Variants in MACROD2 observed in about 807,000 individuals in gnomAD.
The protein encoded by MACROD2 is ADP-ribose glycohydrolase MACROD2.
A neutral mutation model predicts 70.4 loss-of-function variants in MACROD2; 36 were observed. The ratio of observed to expected loss-of-function variants is 0.51; its 90% CI spans 0.39 to 0.68. MACROD2 has a LOEUF of 0.68. Among genes scored for constraint, MACROD2 ranks in the 30% least tolerant of loss-of-function variants. The pLI, the probability that MACROD2 is intolerant of heterozygous loss-of-function variation, is 0.00. For synonymous variants in MACROD2, 172 were observed against 178.8 expected, an observed-to-expected ratio of 0.96 and a Z score of 0.30; for missense variants, 496 against 538.4, an observed-to-expected ratio of 0.92 and a Z score of 0.78.
chr20:14,725,736 C>T (rs1196646625), intron 5 of MACROD2, among the ~76,000 whole-genome samples: 2 of 152,250 alleles, frequency 1.3e-5, no homozygotes, highest in South Asian at 2.1e-4. Context: ...TAGAATATGC[C>T]TCAGAGTAGC....
At chr20:15,404,653 A>G (rs1360506169) in intron 6 of MACROD2, among the ~76,000 whole-genome samples, 1 of 152,156 alleles carries the variant, frequency 6.6e-6, no homozygotes, top group Non-Finnish European at 1.5e-5. Context: ...CTCCCCTGTT[A>G]TCTACCCACT....
At chr20:15,338,455 T>A (rs1432636736) in intron 6 of MACROD2, among the ~76,000 whole-genome samples, 1 of 147,606 alleles carries the variant, frequency 6.8e-6, no homozygotes, top group Non-Finnish European at 1.5e-5. Flanking sequence ...ACAACCTGGA[T>A]TTTTTTTTTT....
At chr20:15,831,724 C>G (rs1385188381) in intron 8 of MACROD2, among the ~76,000 whole-genome samples, 1 of 152,092 alleles carries the variant, frequency 6.6e-6, no homozygotes, top group Non-Finnish European at 1.5e-5. Context: ...CTCCTGGCCT[C>G]AGGACCTTGT....
intron 2 of MACROD2, among the ~76,000 whole-genome samples, chr20:14,080,146 A>G (rs1477690911): frequency 2.0e-5 from 3 of 152,134 alleles, no homozygotes; most frequent in African/African-American, 7.2e-5. Flanking sequence ...AGAGGCTTTT[A>G]GAAGCCTAAT....
chr20:14,833,489 A>T (rs761948870), intron 5 of MACROD2, among the ~76,000 whole-genome samples: 1 of 152,138 alleles, frequency 6.6e-6, no homozygotes, highest in Admixed American at 6.5e-5. Context: ...ACAGTTTGGT[A>T]TATTCATATC....
chr20:14,785,900 G>A (rs2072364406), intron 5 of MACROD2, among the ~76,000 whole-genome samples: 1 of 151,882 alleles, frequency 6.6e-6, no homozygotes, highest in African/African-American at 2.4e-5. Flanking sequence ...AAAAAAGGGG[G>A]AGCAAGGAAA....
At chr20:14,073,047 A>G (rs1360436965) in intron 2 of MACROD2, among the ~76,000 whole-genome samples, 2 of 152,102 alleles carry the variant, frequency 1.3e-5, no homozygotes, top group Non-Finnish European at 2.9e-5. Context: ...TAAAGATGAG[A>G]TTACGCGGCT....
chr20:16,023,211 C>T (rs1416011941), intron 15 of MACROD2, among the ~76,000 whole-genome samples: 4 of 151,670 alleles, frequency 2.6e-5, no homozygotes, highest in Non-Finnish European at 5.9e-5. Context: ...CATGGTGGCT[C>T]ACGCCTGTAA....
rs2049798376 is a variant in MACROD2, at chr20:15,660,170, A to G, written c.645+160323A>G. On this transcript the variant is annotated intron_variant, in intron 8 of 17. Transcript: ENST00000684519. ...TAATGGGAGGAGAGAACAAAAAAGAAGTCAGGCAAGCTACCAAAGTGATGT... is the reference window on the plus strand; with the variant it reads ...TAATGGGAGGAGAGAACAAAAAAGAGGTCAGGCAAGCTACCAAAGTGATGT... 1.3e-5 allele frequency among the ~76,000 whole-genome samples: 2 copies of G among 152,198 alleles called. 1 individual carries two copies. The highest frequency in any genetic ancestry group is 1.3e-4 in the Admixed American group (2 of 15,270).
intron 3 of MACROD2, among the ~76,000 whole-genome samples, chr20:14,471,472 TTTAATGGGC>T (rs2084530026): frequency 6.6e-6 from 1 of 152,080 alleles, no homozygotes; most frequent in Non-Finnish European, 1.5e-5. Context: ...CTATGTGAGG[TTTAATGGGC>T]TTCAGTTACA....
chr20:14,196,265 C>T (rs1378850788), intron 3 of MACROD2, among the ~76,000 whole-genome samples: 1 of 152,132 alleles, frequency 6.6e-6, no homozygotes, highest in Non-Finnish European at 1.5e-5. Context: ...TTCTAATATC[C>T]TCTTCACTTC....
intron 8 of MACROD2, among the ~76,000 whole-genome samples, chr20:15,841,646 C>A (rs1263122639): frequency 6.6e-6 from 1 of 152,086 alleles, no homozygotes; most frequent in African/African-American, 2.4e-5. Flanking sequence ...CCCCATGATT[C>A]ACTCACCTCC....
intron 13 of MACROD2, among the ~76,000 whole-genome samples, chr20:15,968,796 CGTATATATATATATATATATATATATAT>C (rs2066182417): frequency 2.0e-5 from 1 of 50,214 alleles, no homozygotes; most frequent in Non-Finnish European, 4.3e-5. Context: ...ATATATTATG[CGTATATATATATATATATATATATATAT>C]ATATATATAT....
chr20:15,914,833 G>C (rs887766837), intron 10 of MACROD2, among the ~76,000 whole-genome samples: 4 of 152,168 alleles, frequency 2.6e-5, no homozygotes, highest in African/African-American at 9.7e-5. Flanking sequence ...AAGCTACAAA[G>C]TCATAAAGTT....
intron 8 of MACROD2, among the ~76,000 whole-genome samples, chr20:15,843,586 T>C (rs1297582037): frequency 6.6e-6 from 1 of 152,208 alleles, no homozygotes; most frequent in African/African-American, 2.4e-5. Flanking sequence ...ATCGATTAAC[T>C]TCAAGGATCC....
chr20:15,359,779 T>A (rs1410397762), intron 6 of MACROD2, among the ~76,000 whole-genome samples: 1 of 152,184 alleles, frequency 6.6e-6, no homozygotes, highest in Non-Finnish European at 1.5e-5. Context: ...GTTGCAAAAA[T>A]ATGAGAGGTT....
intron 8 of MACROD2, among the ~76,000 whole-genome samples, chr20:15,616,956 A>G (rs1478718247): frequency 6.6e-6 from 1 of 152,148 alleles, no homozygotes; most frequent in Non-Finnish European, 1.5e-5. Context: ...CAGGCTGGGC[A>G]CTTCAGATCT....
intron 4 of MACROD2, among the ~76,000 whole-genome samples, chr20:14,635,398 C>T (rs1427957401): frequency 6.6e-6 from 1 of 152,078 alleles, no homozygotes; most frequent in East Asian, 1.9e-4. Context: ...GCTCCATTTT[C>T]CAACTTTCCA....
chr20:14,789,696 G>A (rs571462349), intron 5 of MACROD2, among the ~76,000 whole-genome samples: 7 of 151,590 alleles, frequency 4.6e-5, no homozygotes, highest in South Asian at 2.1e-4. Flanking sequence ...GGTTGTTCTC[G>A]AACTCCTGAC....
Sources: gnomAD v4.1 joint callset for allele counts (sites outside exome capture counted in the v4.1 genomes callset) on GRCh38, gnomAD v4.1.1 for gene constraint, MANE v1.5 for transcripts, NCBI Gene and HGNC (gene_info 2026-07-23, HGNC 2026-07-21) for gene names.